The following OFD1 variants were observed in gnomAD, a reference collection of about 807,000 sequenced individuals.
The protein encoded by OFD1 is centriole and centriolar satellite protein OFD1.
OFD1 carries 12 observed loss-of-function variants against 81.4 expected under a neutral mutation model. The observed-to-expected ratio is 0.15, with a 90% confidence interval of 0.09 to 0.24. OFD1 has a LOEUF of 0.24. Among genes scored for constraint, OFD1 ranks in the 10% least tolerant of loss-of-function variants. The pLI is 1.00. For synonymous variants in OFD1, 256 were observed against 263.7 expected (o/e 0.97, Z 0.28); for missense variants, 685 against 733.9 (o/e 0.93, Z 0.77).
the OFD1 span, chrX:13,716,076 A>G: frequency 8.4e-7 from 1 of 1,190,344 alleles, no homozygotes; most frequent in South Asian, 1.8e-5. Context: ...CATGAAGCAT[A>G]ATAAACCTCA....
downstream of OFD1, chrX:13,769,379 T>C: frequency 3.0e-6 from 1 of 332,966 alleles, no homozygotes. Flanking sequence ...CTTAAATTTA[T>C]AAATGAGTAT....
At chrX:13,734,322 C>A (rs1160855014), upstream of OFD1, 1 of 339,067 alleles carries the variant, frequency 2.9e-6, no homozygotes, top group Non-Finnish European at 5.1e-6. Flanking sequence ...ACCCAGTGAA[C>A]CGCGAAACCA....
the OFD1 span, among the ~76,000 whole-genome samples, chrX:13,727,177 C>CT: frequency 8.9e-6 from 1 of 111,844 alleles, no homozygotes; most frequent in Non-Finnish European, 1.9e-5. Context: ...TAACACCCCA[C>CT]TGTCAATATC....
the OFD1 span, chrX:13,719,810 C>T: frequency 5.0e-6 from 1 of 198,247 alleles, no homozygotes; most frequent in Non-Finnish European, 7.0e-6. Flanking sequence ...CTGTCCAGAT[C>T]TTCCAGTTCT....
At chrX:13,768,395 GACAAAAAT>G (rs2048212246) in intron 21 of OFD1, among the ~76,000 whole-genome samples, 171 bp downstream of exon 21, 1 of 112,272 alleles carries the variant, frequency 8.9e-6, no homozygotes, top group Non-Finnish European at 1.9e-5. Context: ...CTATTCTTTT[GACAAAAAT>G]TCATAGCTTT....
chrX:13,762,105 T>C (rs985456853), intron 17 of OFD1, among the ~76,000 whole-genome samples: 4 of 110,807 alleles, frequency 3.6e-5, no homozygotes, highest in African/African-American at 1.3e-4. Context: ...ACATTATTCT[T>C]TATTAACAAC....
intron 9 of OFD1, among the ~76,000 whole-genome samples, chrX:13,750,530 C>T (rs1041805650): frequency 2.7e-5 from 3 of 112,392 alleles, no homozygotes; most frequent in African/African-American, 9.7e-5. Context: ...TTTAAAGTCT[C>T]ACTATGAAGA....
At chrX:13,753,333 C>G in intron 10 of OFD1, 35 bp from the exon 11 acceptor site, 1 of 1,208,746 alleles carries the variant, frequency 8.3e-7, no homozygotes, top group Non-Finnish European at 1.1e-6. Context: ...AGAAAAATGC[C>G]TGAGGAGCTC....
chrX:13,748,898 C>T (rs368099490), intron 8 of OFD1, among the ~76,000 whole-genome samples: 2 of 110,680 alleles, frequency 1.8e-5, no homozygotes, highest in Non-Finnish European at 3.8e-5. Context: ...GCAGGCATAT[C>T]GCTTGAGTCC....
chrX:13,727,838 T>C, the OFD1 span, among the ~76,000 whole-genome samples: 2 of 111,119 alleles, frequency 1.8e-5, no homozygotes, highest in Non-Finnish European at 3.8e-5. Flanking sequence ...ATCAACAAAA[T>C]TGATAGACCA....
At chrX:13,725,768 G>C in the OFD1 span, among the ~76,000 whole-genome samples, 7 of 112,289 alleles carry the variant, frequency 6.2e-5, no homozygotes, top group African/African-American at 2.3e-4. Flanking sequence ...TTGATGAGTT[G>C]ACAGAATGAG....
At chrX:13,715,895 A>G in the OFD1 span, 1 of 1,057,093 alleles carries the variant, frequency 9.5e-7, no homozygotes, top group South Asian at 2.4e-5. Flanking sequence ...GGGGAAAGCT[A>G]GTCTGAAAGG....
the OFD1 span, chrX:13,716,632 T>G: frequency 8.3e-7 from 1 of 1,211,735 alleles, no homozygotes; most frequent in Non-Finnish European, 1.1e-6. Context: ...ATCTACGAGG[T>G]CGAGAGCAGC....
At chrX:13,737,551 C>T (rs1192987321) in intron 3 of OFD1, among the ~76,000 whole-genome samples, 2 of 110,062 alleles carry the variant, frequency 1.8e-5, no homozygotes, top group African/African-American at 6.6e-5. Context: ...ATAAGCCTAC[C>T]CTGACATGTC....
chrX:13,724,837 C>T, the OFD1 span, among the ~76,000 whole-genome samples: 6 of 112,662 alleles, frequency 5.3e-5, no homozygotes, highest in African/African-American at 1.9e-4. Flanking sequence ...GGGGATTTCC[C>T]TCTCCTAGCC....
chrX:13,729,783 C>A (rs764936787), upstream of OFD1, among the ~76,000 whole-genome samples: 1 of 111,428 alleles, frequency 9.0e-6, no homozygotes, highest in East Asian at 2.8e-4. Context: ...TGGCACATGC[C>A]TGTAATCCCT....
chrX:13,763,651 T>G, intron 18 of OFD1, 94 bp from the exon 19 acceptor site: 1 of 688,645 alleles, frequency 1.5e-6, no homozygotes, highest in East Asian at 3.2e-5. Context: ...TGGCTTCAGT[T>G]CCCGTGCTCC....
the OFD1 span, chrX:13,721,460 G>A: frequency 8.9e-6 from 1 of 111,922 alleles, no homozygotes; most frequent in African/African-American, 3.3e-5. Flanking sequence ...CTGGGATGTG[G>A]TGACTAGTAA....
chrX:13,768,623 A>G, intron 21 of OFD1, 95 bp from the exon 22 acceptor site: 1 of 707,718 alleles, frequency 1.4e-6, no homozygotes, highest in South Asian at 2.3e-5. Context: ...TTAGACTTTT[A>G]AATTACATAT....
Sources: allele counts gnomAD v4.1 joint callset (sites outside exome capture counted in the v4.1 genomes callset), GRCh38; gene constraint gnomAD v4.1.1; transcripts MANE v1.5; gene names NCBI Gene and HGNC (gene_info 2026-07-23, HGNC 2026-07-21).